Variants in OSBPL1A observed in about 807,000 individuals in gnomAD.
The protein encoded by OSBPL1A is oxysterol binding protein like 1A, also known as oxysterol-binding protein-related protein 1.
In OSBPL1A, 80 loss-of-function variants were observed where a neutral mutation model predicts 137.1. That is an observed-to-expected ratio of 0.58 (90% CI 0.49 to 0.70). The LOEUF is 0.70. OSBPL1A is among the 30% of genes least tolerant of loss of function. The pLI, the probability that OSBPL1A is intolerant of heterozygous loss-of-function variation, is 0.00. For synonymous variants in OSBPL1A, 365 were observed against 389.7 expected (o/e 0.94, Z 0.75); for missense variants, 970 against 1,129.4 (o/e 0.86, Z 2.02).
intron 4 of OSBPL1A, among the ~76,000 whole-genome samples, chr18:24,359,605 C>A (rs988598452): frequency 6.6e-6 from 1 of 151,554 alleles, no homozygotes; most frequent in African/African-American, 2.4e-5. Context: ...TGTGCCCAGA[C>A]GTTCAAGGCT....
chr18:24,288,013 C>T (rs888235368), intron 14 of OSBPL1A, among the ~76,000 whole-genome samples: 1 of 152,078 alleles, frequency 6.6e-6, no homozygotes, highest in Non-Finnish European at 1.5e-5. Context: ...CTCTTTCTGT[C>T]CCTTCTAACA....
intron 7 of OSBPL1A, among the ~76,000 whole-genome samples, chr18:24,328,018 AAGACACT>A (rs2091010174): frequency 6.7e-6 from 1 of 150,062 alleles, no homozygotes; most frequent in South Asian, 2.1e-4. Flanking sequence ...CAAACTGGTA[AAGACACT>A]AGAAATCACA....
intron 13 of OSBPL1A, among the ~76,000 whole-genome samples, chr18:24,305,095 T>C (rs1028468805): frequency 6.6e-6 from 1 of 152,186 alleles, no homozygotes; most frequent in African/African-American, 2.4e-5. Context: ...TATACATATT[T>C]AATACTCTGC....
At chr18:24,323,244 T>TA (rs1412270838) in intron 7 of OSBPL1A, among the ~76,000 whole-genome samples, 2 of 151,720 alleles carry the variant, frequency 1.3e-5, no homozygotes, top group African/African-American at 4.8e-5. Flanking sequence ...GATGAGTGAA[T>TA]AAAAAACAAT....
At chr18:24,244,566 C>G (rs138274084) in intron 15 of OSBPL1A, among the ~76,000 whole-genome samples, 2 of 152,194 alleles carry the variant, frequency 1.3e-5, no homozygotes, top group South Asian at 4.1e-4. Context: ...AACCACCATA[C>G]GCTTAACAGT....
intron 6 of OSBPL1A, among the ~76,000 whole-genome samples, chr18:24,333,916 A>T (rs189262012): frequency 9.2e-5 from 14 of 152,326 alleles, no homozygotes; most frequent in African/African-American, 3.1e-4. Context: ...TGGCTTAATC[A>T]CAAAATATAT....
intron 4 of OSBPL1A, among the ~76,000 whole-genome samples, chr18:24,347,333 G>A (rs188868997): frequency 1.1e-4 from 17 of 152,010 alleles, no homozygotes; most frequent in African/African-American, 3.9e-4. Context: ...ACAGGCGCCC[G>A]CCACCACGCC....
In OSBPL1A at chr18:24,196,131, AATAC is replaced by A; in HGVS notation, c.1667_1670del (p.Cys556LeufsTer18). 1 of 1,608,036 alleles carries A rather than the reference AATAC, an allele frequency of 6.2e-7. No homozygotes were observed. Among genetic ancestry groups the A allele is most frequent in the Non-Finnish European group, 8.5e-7 (1 of 1,175,992 alleles). On this transcript the variant is annotated frameshift_variant, in exon 18 of 28. Transcript: ENST00000319481. LOFTEE classifies it high-confidence loss of function. The stretch of plus-strand genomic sequence containing the variant: ...GACAAAACCATTAATTTACCATTCC[AATAC>A]ATTTTCTGAGGATGCTCCAGATACT...
At chr18:24,351,931 C>T (rs1476014030) in intron 4 of OSBPL1A, among the ~76,000 whole-genome samples, 1 of 152,188 alleles carries the variant, frequency 6.6e-6, no homozygotes, top group Non-Finnish European at 1.5e-5. Context: ...GTCAGAATAA[C>T]ATAAACTCAA....
intron 4 of OSBPL1A, among the ~76,000 whole-genome samples, chr18:24,361,340 G>A (rs1220341904): frequency 6.6e-6 from 1 of 152,130 alleles, no homozygotes; most frequent in African/African-American, 2.4e-5. Flanking sequence ...ATGTTTTTTT[G>A]TGACTATAAT....
chr18:24,317,448 A>C, intron 9 of OSBPL1A, 48 bp from the exon 10 acceptor site: 1 of 1,425,120 alleles, frequency 7.0e-7, no homozygotes, highest in Non-Finnish European at 9.9e-7. Flanking sequence ...ATCTAGATTC[A>C]AATGCTTGAC....
intron 13 of OSBPL1A, among the ~76,000 whole-genome samples, chr18:24,307,132 A>T (rs2090519590): frequency 6.6e-6 from 1 of 151,938 alleles, no homozygotes; most frequent in Non-Finnish European, 1.5e-5. Flanking sequence ...ACAATGAAAA[A>T]ATTACCCAGG....
intron 19 of OSBPL1A, among the ~76,000 whole-genome samples, chr18:24,180,525 A>C (rs2086576946): frequency 6.6e-6 from 1 of 152,022 alleles, no homozygotes. Context: ...AGAAAGTCTG[A>C]AAGAAGAAAG....
chr18:24,197,308 T>C (rs561013490), intron 17 of OSBPL1A, among the ~76,000 whole-genome samples: 42 of 152,050 alleles, frequency 2.8e-4, no homozygotes, highest in Non-Finnish European at 5.4e-4. Context: ...GGTCACGCCA[T>C]TGCACTCCAG....
intron 14 of OSBPL1A, among the ~76,000 whole-genome samples, chr18:24,284,375 T>C (rs2090027638): frequency 6.6e-6 from 1 of 152,172 alleles, no homozygotes; most frequent in Admixed American, 6.5e-5. Flanking sequence ...GCTGTAAGAA[T>C]CTGATGCTGT....
At chr18:24,212,004 G>A (rs1189768164) in intron 17 of OSBPL1A, among the ~76,000 whole-genome samples, 5 of 151,776 alleles carry the variant, frequency 3.3e-5, no homozygotes, top group African/African-American at 4.8e-5. Context: ...ATAAAATGTC[G>A]AGGAATATTT....
intron 1 of OSBPL1A, among the ~76,000 whole-genome samples, chr18:24,390,857 T>C (rs995584079): frequency 6.6e-6 from 1 of 151,948 alleles, no homozygotes; most frequent in African/African-American, 2.4e-5. Context: ...CGCGGCACTT[T>C]GGGAAGTTGA....
chr18:24,303,922 AT>A (rs1275833645), intron 13 of OSBPL1A, among the ~76,000 whole-genome samples: 2 of 152,190 alleles, frequency 1.3e-5, no homozygotes, highest in Non-Finnish European at 2.9e-5. Flanking sequence ...AAAAATAAAT[AT>A]TTTAAAGGTT....
chr18:24,374,106 T>C (rs564970511), intron 2 of OSBPL1A, among the ~76,000 whole-genome samples: 1 of 152,212 alleles, frequency 6.6e-6, no homozygotes, highest in Non-Finnish European at 1.5e-5. Flanking sequence ...AAAGAGCCAG[T>C]CTTTGCTGAA....
Sources: gnomAD v4.1 joint callset for allele counts (sites outside exome capture counted in the v4.1 genomes callset) on GRCh38, gnomAD v4.1.1 for gene constraint, MANE v1.5 for transcripts, NCBI Gene and HGNC (gene_info 2026-07-23, HGNC 2026-07-21) for gene names.